The following COL24A1 variants were observed in gnomAD, a reference collection of about 807,000 sequenced individuals.
COL24A1 encodes the protein collagen alpha-1(XXIV) chain.
A neutral mutation model predicts 253.9 loss-of-function variants in COL24A1; 224 were observed. That is an observed-to-expected ratio of 0.88 (90% confidence interval 0.79 to 0.99). The LOEUF (loss-of-function observed/expected upper bound fraction) is 0.99, where lower values mean the gene tolerates loss of function less well. Ranked by LOEUF, COL24A1 falls within the 50% of genes least tolerant of loss-of-function variation. The probability of loss-of-function intolerance (pLI) is 0.00; values close to 1 mark genes in which losing one functional copy is unlikely to be tolerated. For missense variants in COL24A1, 2,131 were observed against 2,068.5 expected (o/e 1.03, Z -0.59); for synonymous variants, 685 against 673.7 (o/e 1.02, Z -0.26).
intron 42 of COL24A1, 113 bp downstream of exon 42, chr1:85,841,109 G>A (rs1306617458): frequency 1.3e-6 from 1 of 747,784 alleles, no homozygotes; most frequent in African/African-American, 1.8e-5. Flanking sequence ...ATCAAACCAT[G>A]TTATAAAACT....
intron 7 of COL24A1, among the ~76,000 whole-genome samples, chr1:86,083,367 GAT>G (rs60329959): frequency 1.0e-3 from 153 of 149,608 alleles, no homozygotes; most frequent in African/African-American, 3.3e-3. Flanking sequence ...ATATATAGTT[GAT>G]ATATATATAT....
intron 14 of COL24A1, among the ~76,000 whole-genome samples, chr1:86,023,343 A>G (rs485816): frequency 0.31 from 47,038 of 151,988 alleles, 7,798 homozygotes; most frequent in Middle Eastern, 0.5. Context: ...TTAGTGCCAT[A>G]TTCCCAGGAA....
intron 28 of COL24A1, among the ~76,000 whole-genome samples, chr1:85,902,715 G>A (rs1215795216): frequency 6.6e-6 from 1 of 152,182 alleles, no homozygotes; most frequent in East Asian, 1.9e-4. Flanking sequence ...TTCATTTCAT[G>A]GAGGTAGAGA....
chr1:86,056,624 G>A (rs1198242513), intron 10 of COL24A1, among the ~76,000 whole-genome samples: 1 of 152,074 alleles, frequency 6.6e-6, no homozygotes, highest in Admixed American at 6.6e-5. Context: ...GAGAGGCTGA[G>A]GCAGGCAGAT....
In COL24A1 at chr1:85,784,277, A is replaced by G. The variant is rs1356763222; in HGVS notation, c.4149T>C (p.Pro1383=). The G allele has an allele frequency of 6.2e-7, 1 of 1,614,068 alleles. No homozygotes were observed. The highest frequency in any genetic ancestry group is 8.5e-7 in the Non-Finnish European group (1 of 1,179,952). Residue 1383 remains proline, a synonymous_variant, in exon 49 of 60, where the codon CCT becomes CCC. Transcript: ENST00000370571. ...AQGDQGPCGD[P]GLKGQPGEYG... is the part of the protein sequence containing the mutation. Reference sequence around the variant, plus strand: ...TACATACAGGCTGCCCTTTCAGGCCAGGGTCTCCACATGGTCCTTGATCAC... The same window carrying G: ...TACATACAGGCTGCCCTTTCAGGCCGGGGTCTCCACATGGTCCTTGATCAC...
Position 85,771,622 on chromosome 1 carries a change from T to C in COL24A1, c.4374+4052A>G, listed in dbSNP as rs201729559. Among the ~76,000 whole-genome samples the C allele has an allele frequency of 3.2e-4, 48 of 152,206 alleles. No homozygotes were observed. In the East Asian group the frequency reaches 8.7e-3, roughly 28 times the overall value. On this transcript the variant is annotated intron_variant, in intron 53 of 59. Coordinates refer to ENST00000370571, the MANE Select transcript of COL24A1 (RefSeq NM_152890.7). ...AATCCTTTGGGTATATGCCCAGTAA[T>C]GGGATTGCTGGGTCAAATGGTATTT... is the stretch of plus-strand genomic sequence containing the variant.
chr1:85,993,067 T>A (rs1490130784), intron 19 of COL24A1, among the ~76,000 whole-genome samples: 1 of 152,008 alleles, frequency 6.6e-6, no homozygotes, highest in Non-Finnish European at 1.5e-5. Flanking sequence ...GGAGACTAAT[T>A]CACATGCATT....
At chr1:86,108,992 G>C (rs955316855) in intron 5 of COL24A1, among the ~76,000 whole-genome samples, 1 of 152,118 alleles carries the variant, frequency 6.6e-6, no homozygotes, top group African/African-American at 2.4e-5. Flanking sequence ...ACCTAGAAGG[G>C]GGAGAAGAAT....
At chr1:86,049,332 T>C (rs577797900) in intron 11 of COL24A1, among the ~76,000 whole-genome samples, 150 of 152,324 alleles carry the variant, frequency 9.8e-4, no homozygotes, top group African/African-American at 3.5e-3. Flanking sequence ...CTGAAAACTA[T>C]TTATTTGAAA....
chr1:86,042,930 G>A (rs1233619257), intron 12 of COL24A1, among the ~76,000 whole-genome samples: 1 of 152,104 alleles, frequency 6.6e-6, no homozygotes, highest in African/African-American at 2.4e-5. Context: ...GCTTTACTGT[G>A]TAGCTGAGAA....
At chr1:86,037,575 T>C (rs1319880034) in intron 12 of COL24A1, among the ~76,000 whole-genome samples, 3 of 152,112 alleles carry the variant, frequency 2.0e-5, no homozygotes, top group African/African-American at 7.2e-5. Context: ...TCCTACAACC[T>C]GAATGAGTCT....
At chr1:86,139,163 T>C (rs1194952451) in intron 2 of COL24A1, among the ~76,000 whole-genome samples, 1 of 87,132 alleles carries the variant, frequency 1.1e-5, no homozygotes, top group East Asian at 4.1e-4. Context: ...AAAAGAAAGA[T>C]GAGGGAGAAG....
At chr1:86,102,163 G>A (rs918586639) in intron 5 of COL24A1, among the ~76,000 whole-genome samples, 6 of 152,068 alleles carry the variant, frequency 3.9e-5, no homozygotes, top group Non-Finnish European at 8.8e-5. Context: ...AAATTTTCCA[G>A]TTTTGGTGCA....
chr1:86,007,456 C>T (rs1362606916), intron 19 of COL24A1, among the ~76,000 whole-genome samples: 1 of 152,206 alleles, frequency 6.6e-6, no homozygotes, highest in African/African-American at 2.4e-5. Context: ...CCAGAAGCCA[C>T]ATTCCTTAAT....
intron 8 of COL24A1, among the ~76,000 whole-genome samples, chr1:86,059,954 G>T (rs1162384102): frequency 6.6e-6 from 1 of 152,108 alleles, no homozygotes; most frequent in African/African-American, 2.4e-5. Flanking sequence ...CAGACTTTCA[G>T]CCTCCAGAAT....
chr1:85,816,963 T>C, intron 46 of COL24A1, 68 bp from the exon 47 acceptor site: 1 of 1,171,204 alleles, frequency 8.5e-7, no homozygotes. Flanking sequence ...AATACTTTTT[T>C]ATTTATTGAG....
intron 24 of COL24A1, among the ~76,000 whole-genome samples, chr1:85,918,959 A>G (rs2102990842): frequency 6.6e-6 from 1 of 152,340 alleles, no homozygotes; most frequent in East Asian, 1.9e-4. Context: ...GCCCGTCACC[A>G]TGGGAGGAAT....
At chr1:85,957,296 A>G (rs925975644) in intron 24 of COL24A1, among the ~76,000 whole-genome samples, 8 of 152,144 alleles carry the variant, frequency 5.3e-5, no homozygotes, top group African/African-American at 9.7e-5. Flanking sequence ...ACCATGGCAC[A>G]TGTATACCTA....
rs12567421 is a variant in COL24A1 at position 86,077,586 on chromosome 1, C to T, written c.1707+11588G>A. Among the ~76,000 whole-genome samples the T allele has an allele frequency of 3.9e-5, 6 of 151,906 alleles. No homozygotes were observed. The South Asian group carries it at 6.2e-4, about 16-fold the overall frequency. Reference sequence around the variant, plus strand: ...CACAATAGCAAAGACTTGGAACCAACGCAAATGCCCATCAATGATAGAATG... The same window carrying T: ...CACAATAGCAAAGACTTGGAACCAATGCAAATGCCCATCAATGATAGAATG... On this transcript the variant is annotated intron_variant, in intron 7 of 59. Coordinates refer to ENST00000370571, the MANE Select transcript of COL24A1 (RefSeq NM_152890.7).
Sources: gnomAD v4.1 joint callset for allele counts (sites outside exome capture counted in the v4.1 genomes callset) on GRCh38, gnomAD v4.1.1 for gene constraint, MANE v1.5 for transcripts, NCBI Gene and HGNC (gene_info 2026-07-23, HGNC 2026-07-21) for gene names.